Variants in AKAP12 observed in about 807,000 individuals in gnomAD.
The protein encoded by AKAP12 is A-kinase anchor protein 12.
In AKAP12, 32 loss-of-function variants were observed where a neutral mutation model predicts 79.9. That is an observed-to-expected ratio of 0.40 (90% CI 0.30 to 0.54). The LOEUF (loss-of-function observed/expected upper bound fraction) is 0.54. AKAP12 is among the 20% of genes least tolerant of loss of function. The pLI is 0.48. For missense variants in AKAP12, 2,074 were observed against 2,177.0 expected (o/e 0.95, Z 0.94); for synonymous variants, 808 against 857.0 (o/e 0.94, Z 1.00).
intron 2 of AKAP12, among the ~76,000 whole-genome samples, chr6:151,305,525 A>G (rs1348422800): frequency 6.6e-6 from 1 of 152,152 alleles, no homozygotes; most frequent in Non-Finnish European, 1.5e-5. Flanking sequence ...TAATGAGTGG[A>G]TGAATGGCTG....
intron 2 of AKAP12, among the ~76,000 whole-genome samples, chr6:151,267,734 T>TA (rs1478495364): frequency 6.6e-6 from 1 of 152,196 alleles, no homozygotes; most frequent in African/African-American, 2.4e-5. Context: ...AATGTAGCCA[T>TA]AAAAAGACAC....
At chr6:151,243,647 C>T (rs2114673325) in intron 2 of AKAP12, among the ~76,000 whole-genome samples, 1 of 152,134 alleles carries the variant, frequency 6.6e-6, no homozygotes, top group African/African-American at 2.4e-5. Flanking sequence ...TCCGTTAGAT[C>T]CAGAGATAGA....
chr6:151,315,856 G>A (rs1777221728), intron 3 of AKAP12, among the ~76,000 whole-genome samples: 1 of 152,104 alleles, frequency 6.6e-6, no homozygotes, highest in Admixed American at 6.5e-5. Context: ...TCTTCACATG[G>A]CAGCAGGAAG....
intron 3 of AKAP12, among the ~76,000 whole-genome samples, chr6:151,308,533 C>T (rs941052137): frequency 6.6e-6 from 1 of 151,970 alleles, no homozygotes; most frequent in African/African-American, 2.4e-5. Context: ...CCTTGTCCTT[C>T]CCAAGATCTT....
intron 3 of AKAP12, chr6:151,325,547 G>T: frequency 7.9e-7 from 1 of 1,257,878 alleles, no homozygotes; most frequent in South Asian, 1.9e-5. Flanking sequence ...CCCGGGCGGG[G>T]AAGTTTGCGC....
intron 2 of AKAP12, among the ~76,000 whole-genome samples, chr6:151,268,564 A>T (rs756746450): frequency 1.3e-5 from 2 of 152,258 alleles, no homozygotes; most frequent in Non-Finnish European, 2.9e-5. Flanking sequence ...TTCTAACCAA[A>T]TACCCATATT....
chr6:151,343,192 T>C (rs1777997180), intron 3 of AKAP12, among the ~76,000 whole-genome samples: 1 of 151,656 alleles, frequency 6.6e-6, no homozygotes, highest in Non-Finnish European at 1.5e-5. Context: ...GATTTAAGAG[T>C]GGAGGGAAAA....
intron 2 of AKAP12, among the ~76,000 whole-genome samples, chr6:151,244,547 CA>C (rs996737446): frequency 3.3e-5 from 5 of 151,898 alleles, no homozygotes; most frequent in African/African-American, 1.2e-4. Flanking sequence ...AACAAACAAA[CA>C]AAACCAGACA....
chr6:151,325,510 G>A (rs2114785200), intron 3 of AKAP12: 1 of 985,292 alleles, frequency 1.0e-6, no homozygotes, highest in African/African-American at 1.7e-5. Context: ...GCTTTAAGGT[G>A]AAGCACGTGA....
chr6:151,285,177 G>C (rs1776475276), intron 2 of AKAP12, among the ~76,000 whole-genome samples: 1 of 152,112 alleles, frequency 6.6e-6, no homozygotes, highest in Non-Finnish European at 1.5e-5. Context: ...TGTCCCCTCT[G>C]TCCCCAGAAG....
chr6:151,283,528 C>G (rs1776446012), intron 2 of AKAP12, among the ~76,000 whole-genome samples: 1 of 152,226 alleles, frequency 6.6e-6, no homozygotes. Context: ...CTGACACTGA[C>G]TAGTGCTTAC....
chr6:151,306,389 T>C (rs1776978816), intron 3 of AKAP12, among the ~76,000 whole-genome samples: 1 of 152,154 alleles, frequency 6.6e-6, no homozygotes, highest in African/African-American at 2.4e-5. Context: ...GGACACAGTA[T>C]TGGGATTTGA....
chr6:151,329,458 C>G (rs1489656357), intron 3 of AKAP12, among the ~76,000 whole-genome samples: 2 of 152,202 alleles, frequency 1.3e-5, no homozygotes, highest in Non-Finnish European at 2.9e-5. Flanking sequence ...CTAACACCCA[C>G]ATTACTGAAA....
At chr6:151,309,858 A>C (rs964071283) in intron 3 of AKAP12, among the ~76,000 whole-genome samples, 1 of 152,134 alleles carries the variant, frequency 6.6e-6, no homozygotes, top group African/African-American at 2.4e-5. Context: ...TAGAAATGCA[A>C]CTGGGCTTCC....
At chr6:151,260,830 A>G (rs755011035) in intron 2 of AKAP12, among the ~76,000 whole-genome samples, 1 of 151,556 alleles carries the variant, frequency 6.6e-6, no homozygotes, top group Non-Finnish European at 1.5e-5. Context: ...TGTCTCTACT[A>G]AAAATACAAA....
rs923107615 is a variant in AKAP12 at position 151,246,771 on chromosome 6, A to T, written c.162+6047A>T. On this transcript the variant is annotated intron_variant, in intron 2 of 4. Transcript: ENST00000402676. ...CATTTAACTTTAATTTTATTTATTTATTGTTTTTGAGATAGGCTCTCATTC... is the reference window on the plus strand; with the variant it reads ...CATTTAACTTTAATTTTATTTATTTTTTGTTTTTGAGATAGGCTCTCATTC... Among the ~76,000 whole-genome samples, 10 of 152,152 alleles carry T rather than the reference A, an allele frequency of 6.6e-5. 1 individual carries two copies. The highest frequency in any genetic ancestry group is 4.1e-4 in the South Asian group (2 of 4,826).
chr6:151,248,193 A>G (rs756449432), intron 2 of AKAP12, among the ~76,000 whole-genome samples: 4 of 152,118 alleles, frequency 2.6e-5, no homozygotes, highest in Non-Finnish European at 4.4e-5. Flanking sequence ...AGAGCTTTTC[A>G]AAGACACCCC....
At chr6:151,314,175 G>A (rs908095835) in intron 3 of AKAP12, among the ~76,000 whole-genome samples, 6 of 151,848 alleles carry the variant, frequency 4.0e-5, no homozygotes, top group African/African-American at 1.2e-4. Flanking sequence ...TTACAGGCGT[G>A]CACCACCACG....
intron 3 of AKAP12, among the ~76,000 whole-genome samples, chr6:151,321,420 T>C (rs917970487): frequency 3.3e-5 from 5 of 152,220 alleles, no homozygotes; most frequent in South Asian, 2.1e-4. Context: ...ACATTTCAAA[T>C]AAATGGAATT....
Sources: allele counts gnomAD v4.1 joint callset (sites outside exome capture counted in the v4.1 genomes callset), GRCh38; gene constraint gnomAD v4.1.1; transcripts MANE v1.5; gene names NCBI Gene and HGNC (gene_info 2026-07-23, HGNC 2026-07-21).